The following CLEC17A variants were observed in gnomAD, a reference collection of about 807,000 sequenced individuals.
The protein encoded by CLEC17A is C-type lectin domain containing 17A.
Under a neutral mutation model 61.3 loss-of-function variants are expected in CLEC17A, and 37 were observed. The ratio of observed to expected loss-of-function variants is 0.60; its 90% confidence interval spans 0.46 to 0.79. The LOEUF (loss-of-function observed/expected upper bound fraction) is 0.79, where lower values mean the gene tolerates loss of function less well. Among genes scored for constraint, CLEC17A ranks in the 30% least tolerant of loss-of-function variants. The probability of loss-of-function intolerance (pLI) is 0.00; values close to 1 mark genes in which losing one functional copy is unlikely to be tolerated. For missense variants in CLEC17A, 418 were observed against 464.7 expected (o/e 0.90, Z 0.92); for synonymous variants, 168 against 164.9 (o/e 1.02, Z -0.14).
At chr19:14,594,451 C>G (rs1353972484) in intron 4 of CLEC17A, 66 bp from the exon 5 acceptor site, 1 of 1,541,590 alleles carries the variant, frequency 6.5e-7, no homozygotes, top group Non-Finnish European at 8.8e-7. Flanking sequence ...AACCCTGTTT[C>G]CATCACTTCC....
At position 14,596,924 on chromosome 19, in the gene CLEC17A, G is replaced by C. The variant is rs2074565687; in HGVS notation, c.494G>C (p.Cys165Ser). 5 of 1,608,366 alleles carry C rather than the reference G, an allele frequency of 3.1e-6. No homozygotes were observed. In the East Asian group the frequency reaches 1.1e-4, roughly 36 times the overall value. Residue 165 changes from cysteine to serine, a missense_variant, in exon 9 of 14, where the codon TGC (cysteine) becomes TCC (serine). Cys to Ser is a moderately radical substitution (Grantham distance 112). Coordinates refer to ENST00000417570, the MANE Select transcript of CLEC17A (RefSeq NM_001204118.2). The part of the protein sequence containing the change: ...LNQRSGGPGC[C>S]QKRWMVYLCL... ...CAGAGGTCTGGAGGTCCTGGCTGCT[G>C]CCAGAAGAGGTGGATGGTGTACCTG...
At position 14,590,707 on chromosome 19, in the gene CLEC17A, A is replaced by G. The variant is rs531973586; in HGVS notation, c.200-1574A>G. Among the ~76,000 whole-genome samples the G allele has an allele frequency of 2.7e-5, 4 of 150,296 alleles. No homozygotes were observed. In the South Asian group the frequency reaches 8.4e-4, roughly 32 times the overall value. On this transcript the variant is annotated intron_variant, in intron 3 of 13. Coordinates refer to ENST00000417570, the MANE Select transcript of CLEC17A (RefSeq NM_001204118.2). ...CAGCCTCTTTTCTTTTTTCTTTAAGAGTGGGGTCTCCTTCTGTTGCCCAGG... is the reference window on the plus strand; with the variant it reads ...CAGCCTCTTTTCTTTTTTCTTTAAGGGTGGGGTCTCCTTCTGTTGCCCAGG...
At chr19:14,602,828 C>T (rs563502215) in intron 12 of CLEC17A, among the ~76,000 whole-genome samples, 8 of 151,908 alleles carry the variant, frequency 5.3e-5, no homozygotes, top group Admixed American at 2.0e-4. Context: ...CTCTGCCTCC[C>T]GAGTTCAAGT....
At chr19:14,595,500 C>T (rs2074521700) in intron 8 of CLEC17A, among the ~76,000 whole-genome samples, 185 bp downstream of exon 8, 1 of 152,234 alleles carries the variant, frequency 6.6e-6, no homozygotes, top group Non-Finnish European at 1.5e-5. Flanking sequence ...TCCTTGACAT[C>T]AGAGTTTGCA....
intron 13 of CLEC17A, among the ~76,000 whole-genome samples, chr19:14,607,416 G>A (rs374684724): frequency 6.6e-6 from 1 of 151,498 alleles, no homozygotes; most frequent in Admixed American, 6.6e-5. Context: ...TGTTAGCCAG[G>A]ATGGTCTTGA....
At chr19:14,609,014 G>A (rs2074980263) in intron 13 of CLEC17A, among the ~76,000 whole-genome samples, 2 of 151,992 alleles carry the variant, frequency 1.3e-5, no homozygotes, top group African/African-American at 4.8e-5. Flanking sequence ...TGGCCAGGCT[G>A]GTCTCGAAAT....
chr19:14,603,821 T>A (rs1394918538), intron 12 of CLEC17A, among the ~76,000 whole-genome samples: 1 of 152,190 alleles, frequency 6.6e-6, no homozygotes, highest in Admixed American at 6.6e-5. Flanking sequence ...GCACCTACTA[T>A]GTGCTGGAGA....
Position 14,605,297 on chromosome 19 carries a change from C to T in CLEC17A, c.895-1696C>T, listed in dbSNP as rs141412255. Among the ~76,000 whole-genome samples the T allele has an allele frequency of 2.1e-3, 311 of 151,392 alleles. 1 individual carries two copies. The highest frequency in any genetic ancestry group is 7.2e-3 in the African/African-American group (296 of 41,328). ...TTTTAGTAGAGATGGGGTTTTGCCACGTTGGCCAAGCTGGTCTCGAACTCC... is the reference window on the plus strand; with the variant it reads ...TTTTAGTAGAGATGGGGTTTTGCCATGTTGGCCAAGCTGGTCTCGAACTCC... On this transcript the variant is annotated intron_variant, in intron 12 of 13. Coordinates refer to ENST00000417570, the MANE Select transcript of CLEC17A (RefSeq NM_001204118.2).
chr19:14,598,586 G>T (rs541789621), intron 10 of CLEC17A, among the ~76,000 whole-genome samples: 20 of 152,086 alleles, frequency 1.3e-4, no homozygotes, highest in East Asian at 9.7e-4. Flanking sequence ...TGATTGTCCT[G>T]CCTCAGCCTC....
At chr19:14,583,576 A>G (rs1410811922) in intron 2 of CLEC17A, 142 bp downstream of exon 2, 26 of 1,509,540 alleles carry the variant, frequency 1.7e-5, no homozygotes, top group Non-Finnish European at 2.3e-5. Context: ...CACCCTGCCC[A>G]GGACGACCTG....
chr19:14,604,262 C>T (rs1396735499), intron 12 of CLEC17A, among the ~76,000 whole-genome samples: 1 of 152,156 alleles, frequency 6.6e-6, no homozygotes, highest in Admixed American at 6.5e-5. Flanking sequence ...TTTTTACCAT[C>T]ACCTGAAAAG....
chr19:14,593,375 G>A (rs183302786), intron 4 of CLEC17A, among the ~76,000 whole-genome samples: 1 of 151,656 alleles, frequency 6.6e-6, no homozygotes, highest in Admixed American at 6.6e-5. Context: ...GGCCAGGCGT[G>A]GTGGCTCATG....
Position 14,593,677 on chromosome 19 carries a change from C to T in CLEC17A, c.278-840C>T, listed in dbSNP as rs188075392. Among the ~76,000 whole-genome samples, 30 of 151,432 alleles carry T rather than the reference C, an allele frequency of 2.0e-4. 1 individual carries two copies. The highest frequency in any genetic ancestry group is 3.4e-3 in the Middle Eastern group (1 of 294). The stretch of plus-strand genomic sequence containing the variant: ...GCACTGTCTTTAAAAAAATAGAACA[C>T]GGGCTGGGTGCGGTGGCTCACGCCT... On this transcript the variant is annotated intron_variant, in intron 4 of 13. Coordinates refer to ENST00000417570, the MANE Select transcript of CLEC17A (RefSeq NM_001204118.2).
chr19:14,592,277 G>T lies in CLEC17A; in HGVS notation c.200-4G>T. The T allele has an allele frequency of 6.3e-7, 1 of 1,591,710 alleles. No homozygotes were observed. The highest frequency in any genetic ancestry group is 1.1e-5 in the South Asian group (1 of 88,514). On this transcript the variant is annotated splice_region_variant and splice_polypyrimidine_tract_variant and intron_variant, in intron 3 of 13. Transcript: ENST00000417570. ...TGGGCTCTGACTTGCCTTTCCCCTG[G>T]AAGGGACCATGGAGGAGGAGGAGGA...
intron 13 of CLEC17A, among the ~76,000 whole-genome samples, chr19:14,607,540 AT>A (rs1418350104): frequency 6.9e-6 from 1 of 143,920 alleles, no homozygotes; most frequent in African/African-American, 2.6e-5. Flanking sequence ...TACTTGTTTT[AT>A]TTTATTTTAT....
intron 12 of CLEC17A, among the ~76,000 whole-genome samples, chr19:14,602,990 C>T (rs1450325028): frequency 6.6e-6 from 1 of 152,182 alleles, no homozygotes; most frequent in African/African-American, 2.4e-5. Flanking sequence ...CTGCCTTGGC[C>T]TCCCAAAGTA....
chr19:14,606,063 G>A (rs2074858311), intron 12 of CLEC17A, among the ~76,000 whole-genome samples: 1 of 152,054 alleles, frequency 6.6e-6, no homozygotes, highest in African/African-American at 2.4e-5. Context: ...CCAAAGCTAG[G>A]AAACCTACTT....
chr19:14,581,733 A>C (rs564035499), upstream of CLEC17A, among the ~76,000 whole-genome samples: 1 of 151,336 alleles, frequency 6.6e-6, no homozygotes. Flanking sequence ...GCTCACTGCA[A>C]CCTCTACCTC....
chr19:14,601,619 CCT>C (rs2146726801), intron 12 of CLEC17A, among the ~76,000 whole-genome samples: 1 of 152,050 alleles, frequency 6.6e-6, no homozygotes, highest in South Asian at 2.1e-4. Context: ...GTTTATGTTT[CCT>C]TTTTTCTGTT....
Sources: gnomAD v4.1 joint callset for allele counts (sites outside exome capture counted in the v4.1 genomes callset) on GRCh38, gnomAD v4.1.1 for gene constraint, MANE v1.5 for transcripts, NCBI Gene and HGNC (gene_info 2026-07-23, HGNC 2026-07-21) for gene names.